Variants in CACNB2 observed in about 807,000 individuals in gnomAD.
The protein encoded by CACNB2 is voltage-dependent L-type calcium channel subunit beta-2.
In CACNB2, 42 loss-of-function variants were observed where a neutral mutation model predicts 73.3. The observed-to-expected ratio is 0.57, with a 90% CI of 0.45 to 0.74. The LOEUF (loss-of-function observed/expected upper bound fraction) is 0.74. Ranked by LOEUF, CACNB2 falls within the 30% of genes least tolerant of loss-of-function variation. The pLI, the probability that CACNB2 is intolerant of heterozygous loss-of-function variation, is 0.00. For missense variants in CACNB2, 940 were observed against 853.0 expected, an observed-to-expected ratio of 1.10 and a Z score of -1.27; for synonymous variants, 348 against 310.3, an observed-to-expected ratio of 1.12 and a Z score of -1.28.
intron 3 of CACNB2, among the ~76,000 whole-genome samples, chr10:18,492,792 C>T (rs2049533147): frequency 6.6e-6 from 1 of 152,060 alleles, no homozygotes; most frequent in African/African-American, 2.4e-5. Context: ...AGATATTAAA[C>T]TGTGTTGATG....
chr10:18,201,127 T>C (rs2034859650), intron 2 of CACNB2, among the ~76,000 whole-genome samples: 1 of 152,230 alleles, frequency 6.6e-6, no homozygotes, highest in Non-Finnish European at 1.5e-5. Flanking sequence ...GGGAACATTT[T>C]ATCTATGCAT....
At chr10:18,407,728 T>C (rs923731730) in intron 3 of CACNB2, among the ~76,000 whole-genome samples, 1 of 152,184 alleles carries the variant, frequency 6.6e-6, no homozygotes, top group Non-Finnish European at 1.5e-5. Context: ...CTTTTTGTTG[T>C]ACCTGAATTT....
At chr10:18,332,320 G>A (rs535288973) in intron 2 of CACNB2, among the ~76,000 whole-genome samples, 1 of 152,276 alleles carries the variant, frequency 6.6e-6, no homozygotes, top group South Asian at 2.1e-4. Flanking sequence ...GAGTTAGCAT[G>A]GACAGGACTT....
chr10:18,388,056 C>G (rs1335807373), intron 2 of CACNB2, among the ~76,000 whole-genome samples: 1 of 152,174 alleles, frequency 6.6e-6, no homozygotes. Flanking sequence ...TGCACCTGGC[C>G]CAAGCCATTT....
At chr10:18,466,267 G>A (rs145449982) in intron 3 of CACNB2, among the ~76,000 whole-genome samples, 4 of 151,974 alleles carry the variant, frequency 2.6e-5, no homozygotes, top group African/African-American at 7.2e-5. Flanking sequence ...AGACAGTGTC[G>A]CTCTGTCACC....
chr10:18,251,500 G>A (rs572479831), intron 2 of CACNB2, among the ~76,000 whole-genome samples: 14 of 152,160 alleles, frequency 9.2e-5, no homozygotes, highest in Non-Finnish European at 1.2e-4. Context: ...CACCCACCTC[G>A]GCCTCCCAAA....
chr10:18,500,769 C>T (rs753558617), intron 4 of CACNB2, 43 bp from the exon 5 acceptor site: 1 of 1,597,092 alleles, frequency 6.3e-7, no homozygotes, highest in East Asian at 2.2e-5. Context: ...AAGGATTTGA[C>T]CTTCTGTGCA....
At position 18,226,737 on chromosome 10, in the gene CACNB2, T is replaced by C. The variant is rs1335389303; in HGVS notation, c.213+75762T>C. On this transcript the variant is annotated intron_variant, in intron 2 of 13. Coordinates refer to ENST00000324631, the MANE Select transcript of CACNB2 (RefSeq NM_201596.3). ...AACAGTTTTTGCAGGTATAATCTCA[T>C]TTAAATCTTACCCAGAAACCACAGG... is the stretch of plus-strand genomic sequence containing the variant. Among the ~76,000 whole-genome samples the C allele has an allele frequency of 4.6e-5, 7 of 152,176 alleles. No homozygotes were observed. In the East Asian group the frequency reaches 1.2e-3, roughly 25 times the overall value.
chr10:18,229,930 C>G lies in CACNB2; in HGVS notation c.213+78955C>G, dbSNP rs189881386. ...TGCCATGCAACCTTTAGTATCGAAA[C>G]TCGACACCCACTTTCAAAACAGCAA... On this transcript the variant is annotated intron_variant, in intron 2 of 13. Transcript: ENST00000324631. Among the ~76,000 whole-genome samples, 15 of 152,268 alleles carry G rather than the reference C, an allele frequency of 9.9e-5. No individual in the cohort carries two copies. The East Asian group carries it at 2.9e-3, about 29-fold the overall frequency.
At chr10:18,328,554 T>C (rs559361009) in intron 2 of CACNB2, among the ~76,000 whole-genome samples, 1 of 152,278 alleles carries the variant, frequency 6.6e-6, no homozygotes, top group Non-Finnish European at 1.5e-5. Context: ...ACTTACACTG[T>C]TTGTCTACAC....
chr10:18,410,850 G>A (rs1041369068), intron 3 of CACNB2, among the ~76,000 whole-genome samples: 2 of 152,004 alleles, frequency 1.3e-5, no homozygotes, highest in Non-Finnish European at 2.9e-5. Flanking sequence ...CATGGTTGTG[G>A]GCACCTGTAA....
chr10:18,165,426 G>A (rs907400275), intron 2 of CACNB2, among the ~76,000 whole-genome samples: 2 of 152,228 alleles, frequency 1.3e-5, no homozygotes, highest in Admixed American at 1.3e-4. Flanking sequence ...GAAGGCACAG[G>A]TTGAGGTGCA....
At chr10:18,143,753 T>C (rs921382391) in intron 1 of CACNB2, among the ~76,000 whole-genome samples, 1 of 152,222 alleles carries the variant, frequency 6.6e-6, no homozygotes, top group African/African-American at 2.4e-5. Context: ...ATCCTCCTTG[T>C]ATGTGGCACC....
intron 2 of CACNB2, among the ~76,000 whole-genome samples, chr10:18,210,498 T>C (rs2035275158): frequency 6.6e-6 from 1 of 152,116 alleles, no homozygotes; most frequent in African/African-American, 2.4e-5. Flanking sequence ...GTAGAGGCGA[T>C]AAATAGAATG....
intron 3 of CACNB2, among the ~76,000 whole-genome samples, chr10:18,445,885 T>C (rs539652019): frequency 4.3e-4 from 65 of 152,220 alleles, no homozygotes; most frequent in African/African-American, 1.3e-3. Context: ...AATACAAAAA[T>C]TAGCTGGGCG....
At chr10:18,156,361 A>C (rs2032042780) in intron 2 of CACNB2, among the ~76,000 whole-genome samples, 1 of 152,254 alleles carries the variant, frequency 6.6e-6, no homozygotes, top group Non-Finnish European at 1.5e-5. Flanking sequence ...TTAGTCAATT[A>C]ACTAGTCTTC....
At chr10:18,251,185 G>T (rs1385429453) in intron 2 of CACNB2, among the ~76,000 whole-genome samples, 1 of 151,976 alleles carries the variant, frequency 6.6e-6, no homozygotes, top group Non-Finnish European at 1.5e-5. Context: ...GCAAATCTGG[G>T]TTCAAATCCT....
At chr10:18,539,128 T>C in intron 13 of CACNB2, 102 bp from the exon 14 acceptor site, 1 of 1,478,152 alleles carries the variant, frequency 6.8e-7, no homozygotes, top group Non-Finnish European at 9.4e-7. Flanking sequence ...ATTTCAGCTT[T>C]TCGGATGCTT....
chr10:18,356,780 C>A (rs1442078037), intron 2 of CACNB2, among the ~76,000 whole-genome samples: 1 of 151,870 alleles, frequency 6.6e-6, no homozygotes, highest in East Asian at 1.9e-4. Flanking sequence ...CAGGCACATG[C>A]CACCATGCCT....
Sources: allele counts gnomAD v4.1 joint callset (sites outside exome capture counted in the v4.1 genomes callset), GRCh38; gene constraint gnomAD v4.1.1; transcripts MANE v1.5; gene names NCBI Gene and HGNC (gene_info 2026-07-23, HGNC 2026-07-21).